TSR3: variants seen among roughly 807,000 people sequenced by gnomAD.
TSR3 encodes 18S rRNA aminocarboxypropyltransferase.
TSR3 carries 31 observed loss-of-function variants against 28.1 expected under a neutral mutation model. The observed-to-expected ratio is 1.10, with a 90% CI of 0.83 to 1.49. The LOEUF is 1.49. Ranked by LOEUF, TSR3 falls within the 40% of genes most tolerant of loss-of-function variation. TSR3 has a pLI of 0.00. For missense variants in TSR3, 511 were observed against 444.0 expected, an observed-to-expected ratio of 1.15 and a Z score of -1.36; for synonymous variants, 219 against 197.2, an observed-to-expected ratio of 1.11 and a Z score of -0.93.
At chr16:1,350,677 T>A (rs1218868883) in intron 3 of TSR3, 130 bp downstream of exon 3, 1 of 1,085,732 alleles carries the variant, frequency 9.2e-7, no homozygotes, top group Non-Finnish European at 1.3e-6. Flanking sequence ...GGAACCGTGG[T>A]CTGTCTGAAC....
chr16:1,351,552 C>T lies in TSR3; in HGVS notation c.159G>A (p.Pro53=). Residue 53 remains proline (P), a synonymous_variant, in exon 2 of 6, where the codon CCG becomes CCA. Transcript: ENST00000007390. The stretch of plus-strand genomic sequence containing the variant: ...TGGCCAGCGTGCAGGGCAGCGCCGC[C>T]GGGCCCGGGCCGCCCTCGCCGTCAG... The part of the protein sequence containing the change: ...GAADGEGGPG[P]AALPCTLAMW... 6.8e-7 allele frequency: 1 copy of T among 1,476,958 alleles called. No homozygotes were observed. The highest frequency in any genetic ancestry group is 8.9e-7 in the Non-Finnish European group (1 of 1,123,052). 91.5% of individuals were successfully genotyped at this position (1,476,958 alleles called of 1,614,324 possible).
Position 1,349,244 on chromosome 16 carries a change from T to G in TSR3, c.*193A>C, listed in dbSNP as rs1030004916. 10 of 673,326 alleles carry G rather than the reference T, an allele frequency of 1.5e-5. No homozygotes were observed. Among genetic ancestry groups the G allele is most frequent in the Non-Finnish European group, 2.6e-5 (10 of 381,646 alleles). 41.7% of individuals were successfully genotyped at this position (673,326 alleles called of 1,614,324 possible). ...AAAAACAGACTCACAAGGGGCTTCT[T>G]GGCCTGCAGCTTCATTTGCGAGAGC... On this transcript the variant is annotated 3_prime_UTR_variant, in exon 6 of 6. Transcript: ENST00000007390.
chr16:1,349,263 C>G lies in TSR3; in HGVS notation c.*174G>C. ...GCTTCTTGGCCTGCAGCTTCATTTG[C>G]GAGAGCGCCGAGGCAGGACACAGAG... On this transcript the variant is annotated 3_prime_UTR_variant, in exon 6 of 6. Coordinates refer to ENST00000007390, the MANE Select transcript of TSR3 (RefSeq NM_001001410.3). 1 of 731,372 alleles carries G rather than the reference C, an allele frequency of 1.4e-6. No individual in the cohort carries two copies. Among genetic ancestry groups the G allele is most frequent in the Non-Finnish European group, 2.4e-6 (1 of 423,336 alleles). The allele number at this position is 731,372 out of a possible 1,614,324, so 45.3% of individuals were successfully genotyped here. A position where few individuals can be genotyped will look rare whatever the true frequency, so the allele number is the denominator to read the frequency against.
chr16:1,350,417 C>T (rs1767381108), intron 3 of TSR3, among the ~76,000 whole-genome samples, 183 bp from the exon 4 acceptor site: 1 of 152,164 alleles, frequency 6.6e-6, no homozygotes, highest in Non-Finnish European at 1.5e-5. Context: ...CAGTCCACAC[C>T]TCTGCAACCG....
rs2034607013 is a variant in TSR3, at chr16:1,349,518, C to G, written c.858G>C (p.Glu286Asp). The change falls in exon 6 of 6, where the codon GAG (glutamate) becomes GAC (aspartate). Residue 286 changes from glutamate (E) to aspartate (D), a missense_variant. By Grantham distance (45) the Glu-to-Asp change is conservative. Transcript: ENST00000007390. ...RGGASSSCCE[E>D]EQTQGRGAEA... ...CAGCCCCCCGTCCCTGCGTCTGCTCCTCTTCACAGCAGCTGCTGCTGGCTC... is the reference window on the plus strand; with the variant it reads ...CAGCCCCCCGTCCCTGCGTCTGCTCGTCTTCACAGCAGCTGCTGCTGGCTC... 2.5e-6 allele frequency: 4 copies of G among 1,613,446 alleles called. No homozygotes were observed. In the African/African-American group the frequency reaches 4.0e-5, roughly 16 times the overall value.
rs764206348 is a variant in TSR3 at position 1,351,016 on chromosome 16, T to C, written c.333-16A>G. 14 of 1,609,700 alleles carry C rather than the reference T, an allele frequency of 8.7e-6. No homozygotes were observed. Among genetic ancestry groups the C allele is most frequent in the Middle Eastern group, 2.0e-4 (1 of 4,996 alleles). ...CACCAGCTGTCTGCCAGGGACAGCA[T>C]GGGATAAGTTCAGGAGCCAGCACTA... On this transcript the variant is annotated splice_polypyrimidine_tract_variant and intron_variant, in intron 2 of 5. Coordinates refer to ENST00000007390, the MANE Select transcript of TSR3 (RefSeq NM_001001410.3).
Position 1,350,885 on chromosome 16 carries a change from C to T in TSR3, c.448G>A (p.Ala150Thr). Residue 150 changes from alanine to threonine, a missense_variant, in exon 3 of 6, where the codon GCC becomes ACC. By Grantham distance (58) the Ala-to-Thr change is moderately conservative. Coordinates refer to ENST00000007390, the MANE Select transcript of TSR3 (RefSeq NM_001001410.3). Reference sequence around the variant, plus strand: ...CGGCCATAGTTCACGGGGTTGGCGGCCACCAGGTAGGGCAACAGGCGCAAG... The same window carrying T: ...CGGCCATAGTTCACGGGGTTGGCGGTCACCAGGTAGGGCAACAGGCGCAAG... ...SHLRLLPYLV[A>T]ANPVNYGRPY... The T allele has an allele frequency of 6.2e-7, 1 of 1,613,046 alleles. No homozygotes were observed. Among genetic ancestry groups the T allele is most frequent in the Non-Finnish European group, 8.5e-7 (1 of 1,180,004 alleles).
intron 3 of TSR3, among the ~76,000 whole-genome samples, chr16:1,350,481 C>T (rs1240269542): frequency 3.9e-5 from 6 of 152,164 alleles, no homozygotes; most frequent in East Asian, 1.9e-4. Flanking sequence ...GACTGCCCCA[C>T]GCCTCATCAG....
chr16:1,351,339 T>G (rs2034673127), intron 2 of TSR3, 40 bp downstream of exon 2: 1 of 1,546,560 alleles, frequency 6.5e-7, no homozygotes, highest in Admixed American at 1.9e-5. Flanking sequence ...AACCACGCGC[T>G]GGAAATGAAG....
chr16:1,351,101 G>A (rs2034664784), intron 2 of TSR3, 101 bp from the exon 3 acceptor site: 3 of 1,298,336 alleles, frequency 2.3e-6, no homozygotes, highest in Middle Eastern at 2.7e-4. Flanking sequence ...ACATCATTCC[G>A]CCATCCCCAA....
At chr16:1,350,656 C>T in intron 3 of TSR3, 151 bp downstream of exon 3, 2 of 897,692 alleles carry the variant, frequency 2.2e-6, no homozygotes, top group Non-Finnish European at 1.7e-6. Context: ...CCTGAAGTGA[C>T]AGTTGGGGCT....
Position 1,351,583 on chromosome 16 carries a change from C to A in TSR3, c.128G>T (p.Gly43Val). 1 of 1,474,792 alleles carries A rather than the reference C, an allele frequency of 6.8e-7. No individual in the cohort carries two copies. Among genetic ancestry groups the A allele is most frequent in the Non-Finnish European group, 8.9e-7 (1 of 1,121,948 alleles). 91.4% of individuals were successfully genotyped at this position (1,474,792 alleles called of 1,614,324 possible). The change falls in exon 2 of 6, where the codon GGG becomes GTG. Residue 43 changes from glycine to valine, a missense_variant. Gly to Val is a moderately radical substitution (Grantham distance 109). Transcript: ENST00000007390. ...CGGGCCGCCCTCGCCGTCAGCCGCCCCTGGCTCCACGGAAGCTGCACGAGA... is the reference window on the plus strand; with the variant it reads ...CGGGCCGCCCTCGCCGTCAGCCGCCACTGGCTCCACGGAAGCTGCACGAGA... Reference protein sequence around the residue: ...GAALQASVEPGAADGEGGPGP... With the variant: ...GAALQASVEPVAADGEGGPGP...
In TSR3 at chr16:1,351,841, C is replaced by T. The variant is rs972306295; in HGVS notation, c.-37G>A. The stretch of plus-strand genomic sequence containing the variant: ...GGGGTGCCGGGGACTCCCCACCCCA[C>T]GGCCGCGCCCCTCGGCCTCCCAATG... On this transcript the variant is annotated 5_prime_UTR_variant, in exon 1 of 6. In the 5' UTR this introduces an upstream ATG that the reference lacks. Transcript: ENST00000007390. 6 of 1,280,220 alleles carry T rather than the reference C, an allele frequency of 4.7e-6. No homozygotes were observed. Among genetic ancestry groups the T allele is most frequent in the South Asian group, 5.3e-5 (2 of 38,074 alleles). The allele number at this position is 1,280,220 out of a possible 1,614,324, so 79.3% of individuals were successfully genotyped here.
At position 1,351,405 on chromosome 16, in the gene TSR3, G is replaced by A; in HGVS notation, c.306C>T (p.Gly102=). The change falls in exon 2 of 6, where the codon GGC becomes GGT. Residue 102 remains glycine (G), a synonymous_variant. Coordinates refer to ENST00000007390, the MANE Select transcript of TSR3 (RefSeq NM_001001410.3). ...RFGGLVLSPV[G]KQYASPADRQ... ...TGTCTGCGGGGGACGCGTACTGCTTGCCCACGGGGCTCAGCACCAGACCGC... is the reference window on the plus strand; with the variant it reads ...TGTCTGCGGGGGACGCGTACTGCTTACCCACGGGGCTCAGCACCAGACCGC... 1.3e-6 allele frequency: 2 copies of A among 1,594,430 alleles called. No individual in the cohort carries two copies. The highest frequency in any genetic ancestry group is 1.7e-6 in the Non-Finnish European group (2 of 1,178,250).
At chr16:1,350,695 CT>C in intron 3 of TSR3, 111 bp downstream of exon 3, 1 of 1,286,560 alleles carries the variant, frequency 7.8e-7, no homozygotes, top group East Asian at 2.4e-5. Context: ...AACTGTTCCC[CT>C]GTCCGTCCCT....
Position 1,349,566 on chromosome 16 carries a change from T to G in TSR3, c.810A>C (p.Pro270=). The G allele has an allele frequency of 6.2e-7, 1 of 1,612,778 alleles. No homozygotes were observed. The highest frequency in any genetic ancestry group is 8.5e-7 in the Non-Finnish European group (1 of 1,179,846). ...DTDDSDASED[P]GPGAERGGAS... is the part of the protein sequence containing the mutation. ...CTCCTCCGCGCTCGGCGCCAGGCCC[T>G]GGGTCCTCAGACGCATCACTGTCAT... Residue 270 remains proline (P), a synonymous_variant, in exon 6 of 6, where the codon CCA becomes CCC. Coordinates refer to ENST00000007390, the MANE Select transcript of TSR3 (RefSeq NM_001001410.3).
At position 1,350,988 on chromosome 16, in the gene TSR3, C is replaced by T. The variant is rs777059839; in HGVS notation, c.345G>A (p.Ala115=). Residue 115 remains alanine (A), a synonymous_variant, in exon 3 of 6, where the codon GCG becomes GCA. Coordinates refer to ENST00000007390, the MANE Select transcript of TSR3 (RefSeq NM_001001410.3). ...YASPADRQLV[A]QSGVAVIDCS... ...AGTCGATGACGGCGACCCCAGACTG[C>T]GCCACCAGCTGTCTGCCAGGGACAG... 5.0e-6 allele frequency: 8 copies of T among 1,611,592 alleles called. No homozygotes were observed. The Admixed American group carries it at 5.0e-5, about 10-fold the overall frequency.
At chr16:1,351,042 C>A (rs1206334150) in intron 2 of TSR3, 42 bp from the exon 3 acceptor site, 1 of 1,586,684 alleles carries the variant, frequency 6.3e-7, no homozygotes, top group Non-Finnish European at 8.6e-7. Flanking sequence ...GCCAGCACTA[C>A]CCAAGGTGGA....
rs2034685137 is a variant in TSR3 at position 1,351,779 on chromosome 16, C to CCG, written c.24_25dup (p.Gly9AlafsTer91). On this transcript the variant is annotated frameshift_variant, in exon 1 of 6. Transcript: ENST00000007390. LOFTEE classifies it high-confidence loss of function. ...AGGGCGGCCGCCTTCCGCCCCCGGC[C>CCG]CGCGCGCTGCCCTCCTGCGGCCCAT... 5.2e-6 allele frequency: 7 copies of CCG among 1,343,028 alleles called. No homozygotes were observed. The highest frequency in any genetic ancestry group is 1.5e-5 in the African/African-American group (1 of 64,714). 83.2% of individuals were successfully genotyped at this position (1,343,028 alleles called of 1,614,324 possible).
Sources: gnomAD v4.1 joint callset for allele counts (sites outside exome capture counted in the v4.1 genomes callset) on GRCh38, gnomAD v4.1.1 for gene constraint, MANE v1.5 for transcripts, NCBI Gene and HGNC (gene_info 2026-07-23, HGNC 2026-07-21) for gene names.